The following MB21D2 variants were observed in gnomAD, a reference collection of about 807,000 sequenced individuals.
The protein encoded by MB21D2 is Mab-21 domain containing 2.
A neutral mutation model predicts 33.3 loss-of-function variants in MB21D2; 9 were observed. The ratio of observed to expected loss-of-function variants is 0.27; its 90% CI spans 0.16 to 0.47. The LOEUF (loss-of-function observed/expected upper bound fraction) is 0.47, where lower values mean the gene tolerates loss of function less well. Among genes scored for constraint, MB21D2 ranks in the 20% least tolerant of loss-of-function variants. The pLI, the probability that MB21D2 is intolerant of heterozygous loss-of-function variation, is 0.99. For synonymous variants in MB21D2, 241 were observed against 236.3 expected (o/e 1.02, Z -0.18); for missense variants, 540 against 624.6 (o/e 0.86, Z 1.44).
At chr3:192,853,169 C>T (rs1003361212) in intron 1 of MB21D2, among the ~76,000 whole-genome samples, 3 of 152,114 alleles carry the variant, frequency 2.0e-5, no homozygotes, top group Non-Finnish European at 2.9e-5. Context: ...GAGGCCTAGA[C>T]TCCTTAACCT....
intron 1 of MB21D2, among the ~76,000 whole-genome samples, chr3:192,905,822 G>T (rs1184961573): frequency 6.6e-6 from 1 of 151,828 alleles, no homozygotes; most frequent in Admixed American, 6.6e-5. Flanking sequence ...GACAGAGCAC[G>T]CCCTGTCTCA....
chr3:192,811,298 GTTTC>G (rs1711783098), intron 1 of MB21D2, among the ~76,000 whole-genome samples: 1 of 152,112 alleles, frequency 6.6e-6, no homozygotes, highest in South Asian at 2.1e-4. Flanking sequence ...CCTCACTCCT[GTTTC>G]TTTGTGTCAC....
rs1260434077 is a variant in MB21D2 at position 192,886,737 on chromosome 3, G to A, written c.211+30893C>T. On this transcript the variant is annotated intron_variant, in intron 1 of 1. Transcript: ENST00000392452. The stretch of plus-strand genomic sequence containing the variant: ...TTGCTTTTCTAACCCTTACGTTTTT[G>A]AATTTTACCTTTGCTGGAAATATAA... Among the ~76,000 whole-genome samples the A allele has an allele frequency of 2.0e-5, 3 of 151,964 alleles. No homozygotes were observed. In the South Asian group the frequency reaches 6.2e-4, roughly 32 times the overall value.
chr3:192,868,886 G>A (rs1008506618), intron 1 of MB21D2, among the ~76,000 whole-genome samples: 31 of 152,268 alleles, frequency 2.0e-4, no homozygotes, highest in Middle Eastern at 3.4e-3. Context: ...GGGAAATGAC[G>A]TAGCCAATGA....
chr3:192,893,472 G>A (rs1163586028), intron 1 of MB21D2, among the ~76,000 whole-genome samples: 2 of 152,150 alleles, frequency 1.3e-5, no homozygotes, highest in African/African-American at 2.4e-5. Flanking sequence ...TTATAGTTGG[G>A]GAAAGTGAGG....
At chr3:192,813,828 G>GTAA (rs1321621227) in intron 1 of MB21D2, among the ~76,000 whole-genome samples, 1 of 152,176 alleles carries the variant, frequency 6.6e-6, no homozygotes, top group Non-Finnish European at 1.5e-5. Flanking sequence ...GGCTCAAAAT[G>GTAA]TAAGGTGTGC....
intron 1 of MB21D2, among the ~76,000 whole-genome samples, chr3:192,892,203 G>C (rs140913860): frequency 5.9e-5 from 9 of 152,264 alleles, no homozygotes; most frequent in African/African-American, 1.9e-4. Context: ...CGTGAGGCAG[G>C]GTCCATCTTC....
intron 1 of MB21D2, among the ~76,000 whole-genome samples, chr3:192,848,730 A>C (rs1712723425): frequency 6.6e-6 from 1 of 152,216 alleles, no homozygotes; most frequent in Admixed American, 6.5e-5. Flanking sequence ...CAAAGTATAT[A>C]CACAAGGTAG....
At chr3:192,854,267 T>A (rs1164792370) in intron 1 of MB21D2, among the ~76,000 whole-genome samples, 1 of 152,186 alleles carries the variant, frequency 6.6e-6, no homozygotes, top group East Asian at 1.9e-4. Context: ...AGTGAACACA[T>A]GAATGATAGG....
At chr3:192,850,147 T>C (rs953660123) in intron 1 of MB21D2, among the ~76,000 whole-genome samples, 1 of 152,142 alleles carries the variant, frequency 6.6e-6, no homozygotes, top group Non-Finnish European at 1.5e-5. Context: ...CTTGAACTCC[T>C]GACCTTATGA....
chr3:192,908,286 G>T (rs1714254851), intron 1 of MB21D2, among the ~76,000 whole-genome samples: 1 of 152,040 alleles, frequency 6.6e-6, no homozygotes, highest in Non-Finnish European at 1.5e-5. Flanking sequence ...TGACCCCCTG[G>T]GTGCTGCAAA....
intron 1 of MB21D2, among the ~76,000 whole-genome samples, chr3:192,830,070 A>G (rs1371235152): frequency 1.3e-5 from 2 of 151,974 alleles, no homozygotes; most frequent in African/African-American, 4.8e-5. Context: ...GCGTCTTGCT[A>G]TGTTGCCCAG....
intron 1 of MB21D2, among the ~76,000 whole-genome samples, chr3:192,845,128 A>G (rs868777166): frequency 1.3e-5 from 2 of 152,362 alleles, no homozygotes; most frequent in South Asian, 2.1e-4. Flanking sequence ...GGAAACTCGG[A>G]AGTTGCAGAC....
Position 192,900,896 on chromosome 3 carries a change from G to A in MB21D2, c.211+16734C>T, listed in dbSNP as rs1447189733. 7.3e-5 allele frequency among the ~76,000 whole-genome samples: 11 copies of A among 151,206 alleles called. No homozygotes were observed. The South Asian group carries it at 1.9e-3, about 26-fold the overall frequency. On this transcript the variant is annotated intron_variant, in intron 1 of 1. Transcript: ENST00000392452. ...GCAGAGGCTATGGTGAGCTGAGATC[G>A]CGCCACTGCACTCCAGCCTGGGTGA... is the stretch of plus-strand genomic sequence containing the variant.
At position 192,860,050 on chromosome 3, in the gene MB21D2, G is replaced by A. The variant is rs536021622; in HGVS notation, c.211+57580C>T. Among the ~76,000 whole-genome samples the A allele has an allele frequency of 2.0e-5, 3 of 152,350 alleles. No homozygotes were observed. The South Asian group carries it at 6.2e-4, about 32-fold the overall frequency. On this transcript the variant is annotated intron_variant, in intron 1 of 1. Transcript: ENST00000392452. ...CTCACTCTCAGGAGACCACCCTGGT[G>A]TCCCCAAAATTACAGGCCTTGTTAG...
intron 1 of MB21D2, among the ~76,000 whole-genome samples, chr3:192,905,635 CAAAAA>C (rs142676577): frequency 9.4e-5 from 8 of 84,968 alleles, no homozygotes; most frequent in Admixed American, 1.5e-4. Context: ...CGCCCTGTCT[CAAAAA>C]AAAAAAAAAA....
chr3:192,798,336 G>T lies in MB21D2; in HGVS notation c.*50C>A. ...AGAAAGATAGCATCACAAACCACAC[G>T]ACACATTATCAGAGTTTAAGAATCA... On this transcript the variant is annotated 3_prime_UTR_variant, in exon 2 of 2. Transcript: ENST00000392452. The surrounding 1 kb of genome is among the most constrained non-coding windows in gnomAD (Gnocchi z 4.8). The T allele has an allele frequency of 2.5e-6, 4 of 1,573,630 alleles. No homozygotes were observed. Among genetic ancestry groups the T allele is most frequent in the South Asian group, 2.3e-5 (2 of 86,348 alleles).
intron 1 of MB21D2, among the ~76,000 whole-genome samples, chr3:192,828,777 T>C (rs1000497961): frequency 4.7e-5 from 7 of 149,054 alleles, no homozygotes; most frequent in Non-Finnish European, 1.0e-4. Context: ...GCCTCCCGAG[T>C]AGCTAGGACT....
chr3:192,876,134 G>A (rs879341957), intron 1 of MB21D2, among the ~76,000 whole-genome samples: 1 of 152,138 alleles, frequency 6.6e-6, no homozygotes, highest in African/African-American at 2.4e-5. Flanking sequence ...AATGGCAATG[G>A]TAGAAAGTCA....
Sources: gnomAD v4.1 joint callset for allele counts (sites outside exome capture counted in the v4.1 genomes callset) on GRCh38, gnomAD v4.1.1 for gene constraint, Gnocchi (gnomAD v3.1) non-coding constraint, MANE v1.5 for transcripts, NCBI Gene and HGNC (gene_info 2026-07-23, HGNC 2026-07-21) for gene names.